TMEM117: variants seen among roughly 807,000 people sequenced by gnomAD.
TMEM117 encodes transmembrane protein 117.
In TMEM117, 27 loss-of-function variants were observed where a neutral mutation model predicts 52.4. The ratio of observed to expected loss-of-function variants is 0.51; its 90% CI spans 0.38 to 0.71. The LOEUF (loss-of-function observed/expected upper bound fraction) is 0.71, where lower values mean the gene tolerates loss of function less well. Ranked by LOEUF, TMEM117 falls within the 30% of genes least tolerant of loss-of-function variation. The pLI is 0.00. For synonymous variants in TMEM117, 215 were observed against 206.3 expected, an observed-to-expected ratio of 1.04 and a Z score of -0.36; for missense variants, 556 against 630.5, an observed-to-expected ratio of 0.88 and a Z score of 1.26.
chr12:43,993,816 T>C (rs2137757121), intron 3 of TMEM117, among the ~76,000 whole-genome samples: 1 of 152,256 alleles, frequency 6.6e-6, no homozygotes, highest in African/African-American at 2.4e-5. Context: ...CAACTCAGCC[T>C]GTTCAGTAGA....
At chr12:44,392,895 A>G (rs902526350), downstream of TMEM117, among the ~76,000 whole-genome samples, 1 of 152,016 alleles carries the variant, frequency 6.6e-6, no homozygotes, top group African/African-American at 2.4e-5. Flanking sequence ...GAGAAAGAAA[A>G]ATCACATCAA....
At chr12:44,250,820 A>G (rs1005522288) in intron 5 of TMEM117, among the ~76,000 whole-genome samples, 4 of 152,098 alleles carry the variant, frequency 2.6e-5, no homozygotes, top group Non-Finnish European at 5.9e-5. Flanking sequence ...GGAACAACAC[A>G]CACTGAGGCC....
chr12:43,798,423 T>C, the TMEM117 span: 3 of 694,778 alleles, frequency 4.3e-6, no homozygotes, highest in Non-Finnish European at 6.5e-6. Flanking sequence ...ACTTGATAAA[T>C]GATAGCTAGT....
At chr12:44,049,046 C>T (rs1196528061) in intron 3 of TMEM117, among the ~76,000 whole-genome samples, 4 of 151,590 alleles carry the variant, frequency 2.6e-5, no homozygotes, top group Admixed American at 2.6e-4. Flanking sequence ...GCCTGGGTTA[C>T]AGCAATTCCA....
intron 3 of TMEM117, among the ~76,000 whole-genome samples, chr12:44,086,347 G>A (rs1947566126): frequency 6.6e-6 from 1 of 151,270 alleles, no homozygotes; most frequent in South Asian, 2.1e-4. Flanking sequence ...CTGAGTAAGT[G>A]TGACTACAGG....
chr12:44,373,868 G>A (rs368977414), intron 6 of TMEM117, among the ~76,000 whole-genome samples: 11 of 132,262 alleles, frequency 8.3e-5, no homozygotes, highest in East Asian at 4.9e-4. Context: ...TACAACCTCC[G>A]TCTCCCGGGT....
chr12:44,100,812 C>A (rs1947848665), intron 3 of TMEM117, among the ~76,000 whole-genome samples: 1 of 151,946 alleles, frequency 6.6e-6, no homozygotes, highest in South Asian at 2.1e-4. Context: ...TGGTGACCTG[C>A]TAAACACCAG....
At chr12:43,820,020 A>G in the TMEM117 span, among the ~76,000 whole-genome samples, 2 of 152,362 alleles carry the variant, frequency 1.3e-5, no homozygotes, top group East Asian at 3.9e-4. Context: ...AAAAAGAGAA[A>G]AGAAAACATT....
At chr12:44,072,042 G>C (rs1213777753) in intron 3 of TMEM117, among the ~76,000 whole-genome samples, 6 of 152,134 alleles carry the variant, frequency 3.9e-5, no homozygotes, top group Non-Finnish European at 8.8e-5. Context: ...CATTCAGGAG[G>C]CTTCCAGCTT....
chr12:43,921,684 A>G (rs962322694), intron 2 of TMEM117, among the ~76,000 whole-genome samples: 12 of 152,166 alleles, frequency 7.9e-5, no homozygotes, highest in Admixed American at 6.5e-4. Flanking sequence ...TTTTGTTTTA[A>G]TGCTATTTAC....
chr12:44,036,915 T>A (rs1946719093), intron 3 of TMEM117, among the ~76,000 whole-genome samples: 1 of 152,242 alleles, frequency 6.6e-6, no homozygotes, highest in Admixed American at 6.5e-5. Flanking sequence ...ATGGTTTTAA[T>A]TTTAATTTCC....
intron 5 of TMEM117, among the ~76,000 whole-genome samples, chr12:44,237,203 C>T (rs1055271367): frequency 2.0e-5 from 3 of 152,048 alleles, no homozygotes; most frequent in African/African-American, 7.2e-5. Context: ...TTTCAAGATA[C>T]ATCTGATTAA....
chr12:44,279,603 T>C (rs2138590263), intron 5 of TMEM117, among the ~76,000 whole-genome samples: 1 of 150,534 alleles, frequency 6.6e-6, no homozygotes, highest in African/African-American at 2.4e-5. Flanking sequence ...AACCTCCGCA[T>C]CCCAGGTTCA....
At chr12:44,191,913 T>A (rs1949360010) in intron 4 of TMEM117, among the ~76,000 whole-genome samples, 1 of 152,192 alleles carries the variant, frequency 6.6e-6, no homozygotes, top group African/African-American at 2.4e-5. Context: ...AAATATTTAA[T>A]AAATACTTTT....
At chr12:44,105,922 G>C (rs1449089155) in intron 3 of TMEM117, among the ~76,000 whole-genome samples, 1 of 152,068 alleles carries the variant, frequency 6.6e-6, no homozygotes, top group Non-Finnish European at 1.5e-5. Context: ...GAACCTGGTA[G>C]AGTTCCAGGA....
At chr12:43,949,672 T>A (rs1263444418) in intron 3 of TMEM117, among the ~76,000 whole-genome samples, 1 of 152,134 alleles carries the variant, frequency 6.6e-6, no homozygotes, top group Admixed American at 6.6e-5. Flanking sequence ...TTGGAGAGAC[T>A]GTTTAATGAC....
upstream of TMEM117, among the ~76,000 whole-genome samples, chr12:43,833,685 A>T (rs1942995348): frequency 6.6e-6 from 1 of 151,988 alleles, no homozygotes; most frequent in African/African-American, 2.4e-5. Context: ...GCTACTTGGG[A>T]GGGTGAGTCA....
At chr12:44,317,829 T>C (rs1000577524) in intron 6 of TMEM117, among the ~76,000 whole-genome samples, 4 of 152,194 alleles carry the variant, frequency 2.6e-5, no homozygotes, top group Non-Finnish European at 5.9e-5. Context: ...GGCAATGGGC[T>C]GAACTGTTTA....
At chr12:44,330,904 A>G (rs1255013767) in intron 6 of TMEM117, among the ~76,000 whole-genome samples, 1 of 152,084 alleles carries the variant, frequency 6.6e-6, no homozygotes, top group African/African-American at 2.4e-5. Context: ...TTGTTATATT[A>G]CTATAAGGTA....
Sources: gnomAD v4.1 joint callset for allele counts (sites outside exome capture counted in the v4.1 genomes callset) on GRCh38, gnomAD v4.1.1 for gene constraint, MANE v1.5 for transcripts, NCBI Gene and HGNC (gene_info 2026-07-23, HGNC 2026-07-21) for gene names.